The following ANGPT1 variants were observed in gnomAD, a reference collection of about 807,000 sequenced individuals.
ANGPT1 encodes angiopoietin-1.
In ANGPT1, 17 loss-of-function variants were observed where a neutral mutation model predicts 62.2. The ratio of observed to expected loss-of-function variants is 0.27; its 90% CI spans 0.19 to 0.41. ANGPT1 has a LOEUF of 0.41. ANGPT1 is among the 10% of genes least tolerant of loss of function. The pLI is 1.00. For missense variants in ANGPT1, 478 were observed against 594.9 expected (o/e 0.80, Z 2.04); for synonymous variants, 199 against 198.9 (o/e 1.00, Z 0.00).
chr8:107,481,610 G>A (rs1335538182), intron 1 of ANGPT1, among the ~76,000 whole-genome samples: 4 of 150,942 alleles, frequency 2.7e-5, no homozygotes, highest in Non-Finnish European at 5.9e-5. Context: ...ATCTCATGCT[G>A]CTATGAAGAA....
chr8:107,317,913 G>T (rs1035759163), intron 4 of ANGPT1, among the ~76,000 whole-genome samples: 4 of 152,166 alleles, frequency 2.6e-5, no homozygotes, highest in Non-Finnish European at 5.9e-5. Context: ...TTACAGGCAT[G>T]AGCCACCGCG....
chr8:107,414,205 G>A (rs1303651811), intron 1 of ANGPT1, among the ~76,000 whole-genome samples: 1 of 151,994 alleles, frequency 6.6e-6, no homozygotes, highest in Non-Finnish European at 1.5e-5. Context: ...GGAGTAAGTG[G>A]GCCCCCAAAC....
intron 1 of ANGPT1, among the ~76,000 whole-genome samples, chr8:107,370,407 A>AAGAAAGAAAGGAAG (rs1554587009): frequency 0.011 from 773 of 71,960 alleles, 254 homozygotes; most frequent in Non-Finnish European, 0.017. Context: ...AAAGAAAGAA[A>AAGAAAGAAAGGAAG]GAGTCAGGGT....
intron 1 of ANGPT1, among the ~76,000 whole-genome samples, chr8:107,421,471 GTACCACT>G (rs1810893250): frequency 6.6e-6 from 1 of 152,098 alleles, no homozygotes; most frequent in African/African-American, 2.4e-5. Context: ...CACTTTTTCT[GTACCACT>G]TACAAGTATC....
At chr8:107,324,124 C>T in intron 3 of ANGPT1, among the ~76,000 whole-genome samples, 1 of 149,948 alleles carries the variant, frequency 6.7e-6, no homozygotes, top group African/African-American at 2.5e-5. Flanking sequence ...TCAATTATGG[C>T]CTGCCCATGC....
chr8:107,394,330 T>C (rs1406904745), intron 1 of ANGPT1, among the ~76,000 whole-genome samples: 1 of 152,162 alleles, frequency 6.6e-6, no homozygotes, highest in Non-Finnish European at 1.5e-5. Flanking sequence ...AGCAAGAAAC[T>C]AGGCTGTCTC....
intron 2 of ANGPT1, among the ~76,000 whole-genome samples, chr8:107,340,348 G>A (rs1815668597): frequency 6.6e-6 from 1 of 152,016 alleles, no homozygotes; most frequent in Non-Finnish European, 1.5e-5. Context: ...CATAAAACCT[G>A]AAATTGAGGA....
intron 1 of ANGPT1, among the ~76,000 whole-genome samples, chr8:107,402,345 G>C (rs1037283047): frequency 1.3e-5 from 2 of 152,146 alleles, no homozygotes; most frequent in African/African-American, 4.8e-5. Flanking sequence ...AGATGCAAAG[G>C]CAAACCGAGT....
intron 1 of ANGPT1, among the ~76,000 whole-genome samples, chr8:107,438,818 G>A (rs1586322986): frequency 6.6e-6 from 1 of 152,014 alleles, no homozygotes; most frequent in Admixed American, 6.5e-5. Flanking sequence ...TTTTTACCAG[G>A]GTTTAGAGAG....
chr8:107,352,946 A>G (rs763322857), intron 1 of ANGPT1, among the ~76,000 whole-genome samples: 3 of 152,124 alleles, frequency 2.0e-5, no homozygotes, highest in Non-Finnish European at 4.4e-5. Flanking sequence ...ATGCAACTAT[A>G]TCTAGGTTTA....
chr8:107,357,635 C>A (rs918548043), intron 1 of ANGPT1, among the ~76,000 whole-genome samples: 4 of 152,120 alleles, frequency 2.6e-5, no homozygotes, highest in Admixed American at 2.6e-4. Context: ...GGCAGCGATG[C>A]AAACACATAG....
At chr8:107,296,671 A>T (rs995484277) in intron 5 of ANGPT1, among the ~76,000 whole-genome samples, 1 of 151,978 alleles carries the variant, frequency 6.6e-6, no homozygotes, top group Non-Finnish European at 1.5e-5. Flanking sequence ...TCAAGGAAAC[A>T]TTTTTCTAGA....
In ANGPT1 at chr8:107,339,204, C is replaced by T. The variant is rs189151101; in HGVS notation, c.454-2933G>A. On this transcript the variant is annotated intron_variant, in intron 2 of 8. Transcript: ENST00000517746. ...CTTGCCCTACCTCAAGTCTATTTGT[C>T]ACACAGCATCCAGAGGGATCTTTTT... is the stretch of plus-strand genomic sequence containing the variant. 5.3e-5 allele frequency among the ~76,000 whole-genome samples: 8 copies of T among 152,298 alleles called. No homozygotes were observed. In the East Asian group the frequency reaches 1.6e-3, roughly 30 times the overall value.
At chr8:107,365,170 G>A (rs955087493) in intron 1 of ANGPT1, among the ~76,000 whole-genome samples, 1 of 152,138 alleles carries the variant, frequency 6.6e-6, no homozygotes, top group African/African-American at 2.4e-5. Flanking sequence ...AGACTGATAA[G>A]CTGAAGCATT....
At chr8:107,322,180 A>C in intron 3 of ANGPT1, 52 bp from the exon 4 acceptor site, 1 of 1,311,366 alleles carries the variant, frequency 7.6e-7, no homozygotes, top group Non-Finnish European at 1.1e-6. Flanking sequence ...TATACAAAAA[A>C]ACCCTTATAA....
intron 4 of ANGPT1, among the ~76,000 whole-genome samples, chr8:107,311,693 A>C (rs1814867818): frequency 6.6e-6 from 1 of 152,218 alleles, no homozygotes; most frequent in African/African-American, 2.4e-5. Context: ...TAAATTTTGC[A>C]ATTATCTTCC....
intron 1 of ANGPT1, among the ~76,000 whole-genome samples, chr8:107,419,095 G>A (rs1365563244): frequency 6.6e-6 from 1 of 152,126 alleles, no homozygotes. Flanking sequence ...CCTTCAGCCT[G>A]TCATGCACAC....
intron 4 of ANGPT1, among the ~76,000 whole-genome samples, chr8:107,312,201 G>A (rs1586212768): frequency 6.6e-6 from 1 of 152,056 alleles, no homozygotes; most frequent in African/African-American, 2.4e-5. Context: ...TGGGCACCCT[G>A]TTGGGCAGTT....
At chr8:107,481,771 G>A (rs1204906401) in intron 1 of ANGPT1, among the ~76,000 whole-genome samples, 1 of 152,040 alleles carries the variant, frequency 6.6e-6, no homozygotes, top group Non-Finnish European at 1.5e-5. Flanking sequence ...GAGCGAAGGG[G>A]GAAGCCCCTT....
Sources: allele counts gnomAD v4.1 joint callset (sites outside exome capture counted in the v4.1 genomes callset), GRCh38; gene constraint gnomAD v4.1.1; transcripts MANE v1.5; gene names NCBI Gene and HGNC (gene_info 2026-07-23, HGNC 2026-07-21).